Variants in DLC1 observed in about 807,000 individuals in gnomAD.
The protein encoded by DLC1 is rho GTPase-activating protein 7.
DLC1 carries 54 observed loss-of-function variants against 140.3 expected under a neutral mutation model. That is an observed-to-expected ratio of 0.38 (90% CI 0.31 to 0.48). DLC1 has a LOEUF of 0.48. Ranked by LOEUF, DLC1 falls within the 20% of genes least tolerant of loss-of-function variation. The pLI is 0.96. For synonymous variants in DLC1, 986 were observed against 728.1 expected (o/e 1.35, Z -5.70); for missense variants, 2,536 against 1,907.0 (o/e 1.33, Z -6.14).
At chr8:13,548,111 T>C (rs562275180) in intron 1 of DLC1, among the ~76,000 whole-genome samples, 2 of 152,222 alleles carry the variant, frequency 1.3e-5, no homozygotes, top group Admixed American at 1.3e-4. Flanking sequence ...GAATATATAG[T>C]GCCTAATGCC....
At chr8:13,423,884 G>A (rs754783424) in intron 2 of DLC1, among the ~76,000 whole-genome samples, 2 of 152,054 alleles carry the variant, frequency 1.3e-5, no homozygotes, top group Non-Finnish European at 1.5e-5. Flanking sequence ...TGAAAGCTCT[G>A]ATCCATTACA....
intron 1 of DLC1, among the ~76,000 whole-genome samples, chr8:13,585,714 T>C (rs950172460): frequency 1.3e-5 from 2 of 152,168 alleles, no homozygotes; most frequent in Admixed American, 6.5e-5. Flanking sequence ...ATTTTTGGTG[T>C]TCCTTGGCTT....
At chr8:13,129,497 C>G (rs893451983) in intron 5 of DLC1, among the ~76,000 whole-genome samples, 2 of 152,222 alleles carry the variant, frequency 1.3e-5, no homozygotes, top group Non-Finnish European at 2.9e-5. Flanking sequence ...TAGAGCCCCA[C>G]AGCTCCAAAC....
chr8:13,448,523 C>G (rs541621605), intron 2 of DLC1, among the ~76,000 whole-genome samples: 31 of 152,004 alleles, frequency 2.0e-4, no homozygotes, highest in African/African-American at 7.0e-4. Flanking sequence ...CCACCACACC[C>G]GGCTAATTTT....
At chr8:13,424,865 G>T (rs1280409341) in intron 2 of DLC1, among the ~76,000 whole-genome samples, 2 of 152,098 alleles carry the variant, frequency 1.3e-5, no homozygotes, top group Non-Finnish European at 2.9e-5. Flanking sequence ...GACAAAATTA[G>T]TAATTTAATA....
intron 5 of DLC1, among the ~76,000 whole-genome samples, chr8:13,304,035 G>C (rs17191642): frequency 0.053 from 8,121 of 152,088 alleles, 270 homozygotes; most frequent in South Asian, 0.12. Flanking sequence ...TGACATTCTG[G>C]AATAGGATGA....
At chr8:13,185,603 G>A (rs143870338) in intron 5 of DLC1, among the ~76,000 whole-genome samples, 1,978 of 152,018 alleles carry the variant, frequency 0.013, 14 homozygotes, top group South Asian at 0.037. Flanking sequence ...CATGGCGCCC[G>A]GCCCAGTCTG....
chr8:13,405,009 G>A (rs1837460700), intron 2 of DLC1, among the ~76,000 whole-genome samples: 1 of 151,300 alleles, frequency 6.6e-6, no homozygotes, highest in Non-Finnish European at 1.5e-5. Flanking sequence ...CTCCATCTCA[G>A]ATAAATAAAT....
At chr8:13,294,884 C>G (rs1831890220) in intron 5 of DLC1, among the ~76,000 whole-genome samples, 1 of 152,162 alleles carries the variant, frequency 6.6e-6, no homozygotes, top group South Asian at 2.1e-4. Flanking sequence ...AACAATAGCA[C>G]CTACCTCATA....
intron 2 of DLC1, among the ~76,000 whole-genome samples, chr8:13,426,685 CCTT>C (rs1282733104): frequency 2.0e-5 from 3 of 152,136 alleles, no homozygotes; most frequent in African/African-American, 7.2e-5. Context: ...AGAAATCAGT[CCTT>C]CTTCCTCGCA....
intron 5 of DLC1, among the ~76,000 whole-genome samples, chr8:13,224,101 A>G (rs1260149217): frequency 6.6e-6 from 1 of 152,248 alleles, no homozygotes; most frequent in African/African-American, 2.4e-5. Context: ...TTCCTTTGAC[A>G]AAAACATCTG....
intron 4 of DLC1, among the ~76,000 whole-genome samples, chr8:13,325,487 C>A (rs1429688201): frequency 6.6e-6 from 1 of 150,914 alleles, no homozygotes; most frequent in African/African-American, 2.5e-5. Flanking sequence ...CACAGAAAAT[C>A]TCACAGAGTC....
In DLC1 at chr8:13,490,921, A is replaced by G. The variant is rs549690342; in HGVS notation, c.1023+8128T>C. Among the ~76,000 whole-genome samples the G allele has an allele frequency of 2.1e-4, 31 of 150,894 alleles. 1 individual carries two copies. In the South Asian group the frequency reaches 5.4e-3, roughly 26 times the overall value. Reference sequence around the variant, plus strand: ...ACATCGTAACTAATTTTTTTTCCCAATAATATCTGGAACAAGGAACGTTCA... The same window carrying G: ...ACATCGTAACTAATTTTTTTTCCCAGTAATATCTGGAACAAGGAACGTTCA... On this transcript the variant is annotated intron_variant, in intron 2 of 17. Transcript: ENST00000276297.
At chr8:13,266,638 G>A (rs997936932) in intron 5 of DLC1, among the ~76,000 whole-genome samples, 5 of 152,048 alleles carry the variant, frequency 3.3e-5, no homozygotes, top group Non-Finnish European at 7.4e-5. Flanking sequence ...CCAGCTACTC[G>A]GGAGGCTGAG....
At chr8:13,105,556 C>T (rs1319897390) in intron 7 of DLC1, among the ~76,000 whole-genome samples, 2 of 151,612 alleles carry the variant, frequency 1.3e-5, no homozygotes, top group African/African-American at 4.8e-5. Flanking sequence ...TGGTGGCTCT[C>T]AAACCCAGTA....
chr8:13,386,633 G>T (rs947096098), intron 4 of DLC1, among the ~76,000 whole-genome samples: 1 of 152,000 alleles, frequency 6.6e-6, no homozygotes, highest in South Asian at 2.1e-4. Flanking sequence ...AAAGTAAATG[G>T]CCGTGGAAAT....
intron 2 of DLC1, among the ~76,000 whole-genome samples, chr8:13,427,182 C>T (rs747343160): frequency 2.6e-5 from 4 of 152,258 alleles, no homozygotes; most frequent in Non-Finnish European, 4.4e-5. Context: ...CCCCACTGTA[C>T]GGTTAATGCC....
rs182325864 is a variant in DLC1 at position 13,439,684 on chromosome 8, T to G, written c.1024-38065A>C. ...TATTACTTTGGAGATTTAGAGCAAA[T>G]CTGACATCAAAGGACCACAACTAGT... On this transcript the variant is annotated intron_variant, in intron 2 of 17. Transcript: ENST00000276297. Among the ~76,000 whole-genome samples, 6 of 152,246 alleles carry G rather than the reference T, an allele frequency of 3.9e-5. No individual in the cohort carries two copies. The East Asian group carries it at 1.2e-3, about 29-fold the overall frequency.
chr8:13,270,780 A>G (rs1263600038), intron 5 of DLC1, among the ~76,000 whole-genome samples: 1 of 152,128 alleles, frequency 6.6e-6, no homozygotes, highest in Non-Finnish European at 1.5e-5. Context: ...CCAAAAGCCC[A>G]AAGCCAATTA....
Sources: gnomAD v4.1 joint callset for allele counts (sites outside exome capture counted in the v4.1 genomes callset) on GRCh38, gnomAD v4.1.1 for gene constraint, MANE v1.5 for transcripts, NCBI Gene and HGNC (gene_info 2026-07-23, HGNC 2026-07-21) for gene names.